SCAPER: variants seen among roughly 807,000 people sequenced by gnomAD.
SCAPER encodes the protein S-phase cyclin A associated protein in the ER, also known as S phase cyclin A-associated protein in the endoplasmic reticulum.
In SCAPER, 98 loss-of-function variants were observed where a neutral mutation model predicts 182.2. The ratio of observed to expected loss-of-function variants is 0.54; its 90% CI spans 0.46 to 0.64. The LOEUF is 0.64. SCAPER is among the 30% of genes least tolerant of loss of function. The probability of loss-of-function intolerance (pLI) is 0.00; values close to 1 mark genes in which losing one functional copy is unlikely to be tolerated. For missense variants in SCAPER, 1,432 were observed against 1,690.0 expected (o/e 0.85, Z 2.68); for synonymous variants, 605 against 564.6 (o/e 1.07, Z -1.01).
chr15:76,382,313 T>C (rs1247597570), intron 27 of SCAPER, among the ~76,000 whole-genome samples: 1 of 151,878 alleles, frequency 6.6e-6, no homozygotes, highest in Non-Finnish European at 1.5e-5. Context: ...GCAGCAGGGG[T>C]ATGCTAAATC....
intron 21 of SCAPER, among the ~76,000 whole-genome samples, chr15:76,659,381 T>C (rs1421903756): frequency 5.3e-5 from 8 of 152,136 alleles, no homozygotes; most frequent in Admixed American, 5.2e-4. Flanking sequence ...AGTGATCCTC[T>C]TGCCTCAGTC....
At chr15:76,791,681 C>A (rs2065016737) in intron 8 of SCAPER, among the ~76,000 whole-genome samples, 1 of 151,724 alleles carries the variant, frequency 6.6e-6, no homozygotes, top group South Asian at 2.1e-4. Context: ...ATATACAGGG[C>A]AAGACTCCAA....
At chr15:76,484,686 A>G (rs2051450261) in intron 24 of SCAPER, among the ~76,000 whole-genome samples, 1 of 152,180 alleles carries the variant, frequency 6.6e-6, no homozygotes, top group Non-Finnish European at 1.5e-5. Flanking sequence ...TGAATCCAGC[A>G]GCACATCAAA....
chr15:76,885,942 G>C (rs953874357), intron 1 of SCAPER, among the ~76,000 whole-genome samples: 1 of 152,192 alleles, frequency 6.6e-6, no homozygotes, highest in East Asian at 1.9e-4. Context: ...CTTTACTACT[G>C]TGAATATGCT....
chr15:76,884,977 C>A (rs987971021), intron 1 of SCAPER, among the ~76,000 whole-genome samples: 2 of 152,102 alleles, frequency 1.3e-5, no homozygotes, highest in Admixed American at 1.3e-4. Flanking sequence ...ACAGTCAAAT[C>A]CATAGTGTCA....
chr15:76,454,675 T>A lies in SCAPER; in HGVS notation c.3078+16537A>T, dbSNP rs901200563. On this transcript the variant is annotated intron_variant, in intron 25 of 31. Coordinates refer to ENST00000563290, the MANE Select transcript of SCAPER (RefSeq NM_020843.4). The stretch of plus-strand genomic sequence containing the variant: ...GTTCATGAGAGAGACTGGCTTGTAA[T>A]TTTTTTTCTTGCACCATCCTTGTCT... 2.6e-5 allele frequency among the ~76,000 whole-genome samples: 4 copies of A among 152,046 alleles called. No homozygotes were observed. The South Asian group carries it at 8.3e-4, about 32-fold the overall frequency.
chr15:76,683,507 T>A (rs1212702867), intron 20 of SCAPER, among the ~76,000 whole-genome samples: 6 of 152,020 alleles, frequency 3.9e-5, no homozygotes, highest in Admixed American at 6.5e-5. Flanking sequence ...CCATGAAAAT[T>A]TCCCTGACCA....
rs201344476 is a variant in SCAPER, at chr15:76,813,242, A to AC, written c.394-8610_394-8609insG. Among the ~76,000 whole-genome samples the AC allele has an allele frequency of 3.5e-4, 44 of 126,886 alleles. 3 individuals carry two copies. In the Middle Eastern group the frequency reaches 0.016, roughly 46 times the overall value. 83.2% of individuals were successfully genotyped at this position (126,886 alleles called of 152,430 possible). A position where few individuals can be genotyped will look rare whatever the true frequency, so the allele number is the denominator to read the frequency against. On this transcript the variant is annotated intron_variant, in intron 5 of 31. Transcript: ENST00000563290. ...ATCCTTTCACTAAAAAAAAAAAAAA[A>AC]AAAAAAAAAAAAACAACTCAACAAA... is the stretch of plus-strand genomic sequence containing the variant.
At chr15:76,633,459 G>A (rs557544600) in intron 21 of SCAPER, among the ~76,000 whole-genome samples, 1 of 152,188 alleles carries the variant, frequency 6.6e-6, no homozygotes, top group Non-Finnish European at 1.5e-5. Context: ...GGCAGAGCAG[G>A]TGTGCTACAT....
intron 21 of SCAPER, among the ~76,000 whole-genome samples, chr15:76,660,736 G>A (rs2056081163): frequency 1.3e-5 from 2 of 152,094 alleles, no homozygotes; most frequent in South Asian, 2.1e-4. Context: ...AGACAGTGTA[G>A]TATGATAGTA....
At chr15:76,651,417 C>A (rs2055025346) in intron 21 of SCAPER, among the ~76,000 whole-genome samples, 1 of 151,734 alleles carries the variant, frequency 6.6e-6, no homozygotes, top group Non-Finnish European at 1.5e-5. Context: ...ATTTTTCTTT[C>A]CTGATTGCTC....
At chr15:76,551,289 C>A (rs770014027) in intron 23 of SCAPER, among the ~76,000 whole-genome samples, 10 of 151,844 alleles carry the variant, frequency 6.6e-5, no homozygotes, top group Non-Finnish European at 1.5e-4. Context: ...TTCAAAATGG[C>A]CAAGATATGG....
chr15:76,895,837 G>A lies in SCAPER; in HGVS notation c.-60+9462C>T, dbSNP rs946358379. Among the ~76,000 whole-genome samples, 14 of 152,014 alleles carry A rather than the reference G, an allele frequency of 9.2e-5. No individual in the cohort carries two copies. In the South Asian group the frequency reaches 1.2e-3, roughly 14 times the overall value. ...GGGCAGATCATGACGTCAGGAGATCGAGACCATCCTGGCTGACACAGTGAA... is the reference window on the plus strand; with the variant it reads ...GGGCAGATCATGACGTCAGGAGATCAAGACCATCCTGGCTGACACAGTGAA... On this transcript the variant is annotated intron_variant, in intron 1 of 31. Coordinates refer to ENST00000563290, the MANE Select transcript of SCAPER (RefSeq NM_020843.4).
intron 21 of SCAPER, among the ~76,000 whole-genome samples, chr15:76,640,889 T>C (rs1459289582): frequency 1.3e-5 from 2 of 152,166 alleles, no homozygotes; most frequent in African/African-American, 4.8e-5. Context: ...TGAATGGACG[T>C]GCAGTCAGGG....
chr15:76,778,213 C>A (rs1023693175), intron 8 of SCAPER, among the ~76,000 whole-genome samples: 1 of 152,030 alleles, frequency 6.6e-6, no homozygotes, highest in Non-Finnish European at 1.5e-5. Context: ...GTATCACCAA[C>A]TGAAGTAGTG....
chr15:76,464,332 A>G (rs946458002), intron 25 of SCAPER, among the ~76,000 whole-genome samples: 1 of 152,152 alleles, frequency 6.6e-6, no homozygotes, highest in Non-Finnish European at 1.5e-5. Context: ...AGCATATGAC[A>G]GAATTCCCTT....
chr15:76,884,108 T>C (rs1179544408), intron 1 of SCAPER, among the ~76,000 whole-genome samples: 2 of 152,180 alleles, frequency 1.3e-5, no homozygotes, highest in African/African-American at 4.8e-5. Flanking sequence ...CAGTATTAAT[T>C]ACATGGACAT....
rs55726181 is a variant in SCAPER, at chr15:76,637,742, ATGTGTGTGTGTGTGTGTGTGTG to A, written c.2646-15935_2646-15914del. On this transcript the variant is annotated intron_variant, in intron 21 of 31. Coordinates refer to ENST00000563290, the MANE Select transcript of SCAPER (RefSeq NM_020843.4). ...TGTGATTATATATATATATATATAT[ATGTGTGTGTGTGTGTGTGTGTG>A]TGTGTGTGTGTGTGTGTGTGTGTGT... 1.5e-3 allele frequency among the ~76,000 whole-genome samples: 164 copies of A among 105,820 alleles called. 3 individuals carry two copies. Among genetic ancestry groups the A allele is most frequent in the African/African-American group, 3.0e-3 (79 of 26,598 alleles). The allele number at this position is 105,820 out of a possible 152,430, so 69.4% of individuals were successfully genotyped here.
chr15:76,411,525 T>C (rs2045286745), intron 26 of SCAPER, among the ~76,000 whole-genome samples: 2 of 152,290 alleles, frequency 1.3e-5, no homozygotes, highest in African/African-American at 4.8e-5. Flanking sequence ...TTCCTTCTCT[T>C]GTTGATGGAT....
Sources: gnomAD v4.1 joint callset for allele counts (sites outside exome capture counted in the v4.1 genomes callset) on GRCh38, gnomAD v4.1.1 for gene constraint, MANE v1.5 for transcripts, NCBI Gene and HGNC (gene_info 2026-07-23, HGNC 2026-07-21) for gene names.